Variants in AUH observed in about 807,000 individuals in gnomAD.
AUH encodes the protein methylglutaconyl-CoA hydratase, mitochondrial.
A neutral mutation model predicts 42.3 loss-of-function variants in AUH; 29 were observed. That is an observed-to-expected ratio of 0.69 (90% CI 0.51 to 0.93). AUH has a LOEUF of 0.93. AUH is among the 40% of genes least tolerant of loss of function. AUH has a pLI of 0.00. For synonymous variants in AUH, 174 were observed against 166.4 expected, an observed-to-expected ratio of 1.05 and a Z score of -0.35; for missense variants, 452 against 438.1, an observed-to-expected ratio of 1.03 and a Z score of -0.28.
intron 4 of AUH, among the ~76,000 whole-genome samples, chr9:91,305,256 A>T (rs1035084434): frequency 6.6e-6 from 1 of 152,218 alleles, no homozygotes; most frequent in Non-Finnish European, 1.5e-5. Context: ...CTTTAATATA[A>T]CTAAGGGTCA....
At chr9:91,283,035 CT>C (rs531336871) in intron 6 of AUH, among the ~76,000 whole-genome samples, 24 of 152,316 alleles carry the variant, frequency 1.6e-4, no homozygotes, top group Admixed American at 1.4e-3. Flanking sequence ...ACCAATATCC[CT>C]GATGAACATC....
chr9:91,226,372 T>A (rs1488171203), intron 6 of AUH, among the ~76,000 whole-genome samples: 1 of 147,110 alleles, frequency 6.8e-6, no homozygotes, highest in Non-Finnish European at 1.5e-5. Context: ...TCTGTTCATG[T>A]CCTTTGCCCA....
intron 6 of AUH, among the ~76,000 whole-genome samples, chr9:91,271,345 T>C (rs1399040427): frequency 6.6e-6 from 1 of 152,234 alleles, no homozygotes; most frequent in Non-Finnish European, 1.5e-5. Context: ...GGTGTCAACC[T>C]TCCGTAAATT....
intron 6 of AUH, among the ~76,000 whole-genome samples, chr9:91,282,520 A>G (rs1003322739): frequency 5.3e-5 from 8 of 152,192 alleles, no homozygotes; most frequent in Non-Finnish European, 1.0e-4. Flanking sequence ...GCAAGTGAGT[A>G]AACATGCCTG....
intron 6 of AUH, among the ~76,000 whole-genome samples, chr9:91,232,709 A>T (rs1428306896): frequency 1.3e-5 from 2 of 152,240 alleles, no homozygotes; most frequent in African/African-American, 4.8e-5. Context: ...TGCTTAGAAT[A>T]TACAAGGGGA....
intron 6 of AUH, among the ~76,000 whole-genome samples, chr9:91,257,072 T>C (rs1054411283): frequency 6.6e-6 from 1 of 152,152 alleles, no homozygotes; most frequent in Non-Finnish European, 1.5e-5. Context: ...CCAGTTCACA[T>C]TGCAGCCATC....
chr9:91,285,004 T>C (rs1359200127), intron 6 of AUH, among the ~76,000 whole-genome samples: 1 of 152,196 alleles, frequency 6.6e-6, no homozygotes, highest in Non-Finnish European at 1.5e-5. Context: ...TGAAGACACA[T>C]GCACACGTAT....
At chr9:91,273,641 C>A (rs1379480189) in intron 6 of AUH, among the ~76,000 whole-genome samples, 2 of 152,108 alleles carry the variant, frequency 1.3e-5, no homozygotes, top group Non-Finnish European at 2.9e-5. Context: ...TATTTAAAAC[C>A]CTCTGTCTTT....
At chr9:91,239,011 T>G (rs1466839456) in intron 6 of AUH, among the ~76,000 whole-genome samples, 3 of 152,252 alleles carry the variant, frequency 2.0e-5, no homozygotes. Context: ...TATATTTACA[T>G]GTATTAAAAT....
chr9:91,229,651 G>A (rs1282628801), intron 6 of AUH, among the ~76,000 whole-genome samples: 1 of 152,010 alleles, frequency 6.6e-6, no homozygotes, highest in African/African-American at 2.4e-5. Context: ...TCCTAGTCTC[G>A]ATGGTCTTTA....
rs539951460 is a variant in AUH at position 91,253,491 on chromosome 9, G to A, written c.656-32499C>T. On this transcript the variant is annotated intron_variant, in intron 6 of 9. Coordinates refer to ENST00000375731, the MANE Select transcript of AUH (RefSeq NM_001698.3). ...ACACCCAAGAAGAGGTAAACCTACA[G>A]TATTATTTCATGGGCCTAAGGCTGT... Among the ~76,000 whole-genome samples the A allele has an allele frequency of 2.0e-5, 3 of 152,342 alleles. No homozygotes were observed. In the East Asian group the frequency reaches 5.8e-4, roughly 29 times the overall value.
At chr9:91,350,672 T>C (rs1425073002) in intron 3 of AUH, among the ~76,000 whole-genome samples, 3 of 151,346 alleles carry the variant, frequency 2.0e-5, no homozygotes, top group Non-Finnish European at 4.4e-5. Context: ...GGCAGGAGAA[T>C]CACCTGAACC....
At chr9:91,250,013 G>GAAA (rs200013936) in intron 6 of AUH, among the ~76,000 whole-genome samples, 6 of 126,352 alleles carry the variant, frequency 4.7e-5, no homozygotes, top group East Asian at 2.2e-4. Context: ...TCCGTCTCAA[G>GAAA]AAAAAAAAAA....
At chr9:91,215,965 G>GT in intron 9 of AUH, 94 bp downstream of exon 9, 1 of 1,326,520 alleles carries the variant, frequency 7.5e-7, no homozygotes, top group Non-Finnish European at 1.1e-6. Flanking sequence ...GGGCGCAAGG[G>GT]TAATCTTGCT....
At chr9:91,231,930 G>C (rs1206223395) in intron 6 of AUH, among the ~76,000 whole-genome samples, 1 of 152,186 alleles carries the variant, frequency 6.6e-6, no homozygotes, top group South Asian at 2.1e-4. Context: ...AGCTCACAAG[G>C]CTTCCACTAA....
intron 3 of AUH, among the ~76,000 whole-genome samples, chr9:91,335,195 T>G (rs910957153): frequency 3.9e-5 from 6 of 152,246 alleles, no homozygotes; most frequent in Non-Finnish European, 7.3e-5. Flanking sequence ...CTGAAGTCAT[T>G]GTGGCCCGGT....
chr9:91,259,159 G>A (rs991841177), intron 6 of AUH, among the ~76,000 whole-genome samples: 2 of 152,212 alleles, frequency 1.3e-5, no homozygotes, highest in African/African-American at 4.8e-5. Flanking sequence ...AGCTTTCTTT[G>A]TGGAAAAATT....
rs562904255 is a variant in AUH at position 91,317,885 on chromosome 9, T to C, written c.505+7433A>G. 5.3e-5 allele frequency among the ~76,000 whole-genome samples: 8 copies of C among 152,364 alleles called. No homozygotes were observed. The East Asian group carries it at 1.2e-3, about 22-fold the overall frequency. ...TCCTCAATCTACTGAGATACACATA[T>C]GACTTTATTTTCATTGGCTAACATC... On this transcript the variant is annotated intron_variant, in intron 4 of 9. Coordinates refer to ENST00000375731, the MANE Select transcript of AUH (RefSeq NM_001698.3).
chr9:91,332,046 A>G (rs533365483), intron 3 of AUH, among the ~76,000 whole-genome samples: 1 of 152,344 alleles, frequency 6.6e-6, no homozygotes, highest in East Asian at 1.9e-4. Context: ...TTTTATGCTG[A>G]CATTTGAAAT....
Sources: gnomAD v4.1 joint callset for allele counts (sites outside exome capture counted in the v4.1 genomes callset) on GRCh38, gnomAD v4.1.1 for gene constraint, MANE v1.5 for transcripts, NCBI Gene and HGNC (gene_info 2026-07-23, HGNC 2026-07-21) for gene names.